Variants in CUL2 observed in about 807,000 individuals in gnomAD.
The protein encoded by CUL2 is cullin 2.
Under a neutral mutation model 110.2 loss-of-function variants are expected in CUL2, and 22 were observed. The observed-to-expected ratio is 0.20, with a 90% CI of 0.14 to 0.28. The LOEUF is 0.28. Among genes scored for constraint, CUL2 ranks in the 10% least tolerant of loss-of-function variants. CUL2 has a pLI of 1.00. For missense variants in CUL2, 631 were observed against 905.5 expected (o/e 0.70, Z 3.89); for synonymous variants, 279 against 293.2 (o/e 0.95, Z 0.49).
At chr10:35,095,196 T>C (rs2087277335), upstream of CUL2, among the ~76,000 whole-genome samples, 3 of 151,974 alleles carry the variant, frequency 2.0e-5, no homozygotes, top group South Asian at 6.3e-4. Context: ...TAGTGCTGCA[T>C]GCCTGAAATC....
chr10:35,105,242 C>A (rs1421418173), intron 1 of CUL2, among the ~76,000 whole-genome samples: 2 of 150,306 alleles, frequency 1.3e-5, no homozygotes, highest in Admixed American at 6.6e-5. Flanking sequence ...TGGTTAACAC[C>A]GTGAAACCCC....
intron 1 of CUL2, among the ~76,000 whole-genome samples, chr10:35,083,231 A>G (rs1367047414): frequency 1.3e-5 from 2 of 152,148 alleles, no homozygotes; most frequent in Non-Finnish European, 2.9e-5. Context: ...TAGCAGTTAT[A>G]AATAAAGGGG....
intron 1 of CUL2, among the ~76,000 whole-genome samples, chr10:35,084,795 G>A (rs2087020795): frequency 6.6e-6 from 1 of 152,066 alleles, no homozygotes; most frequent in East Asian, 1.9e-4. Flanking sequence ...TAAGATTCTA[G>A]GGCTGATCCT....
chr10:35,035,109 A>G (rs1316586114), intron 10 of CUL2, 63 bp downstream of exon 10: 3 of 1,581,290 alleles, frequency 1.9e-6, no homozygotes, highest in East Asian at 2.2e-5. Flanking sequence ...AATAAAGTCA[A>G]AGGAAAGGCT....
intron 1 of CUL2, among the ~76,000 whole-genome samples, chr10:35,103,689 AC>A (rs2087418143): frequency 6.6e-6 from 1 of 151,942 alleles, no homozygotes; most frequent in South Asian, 2.1e-4. Context: ...CGAACACCTG[AC>A]CTCAAGTGAT....
intron 1 of CUL2, among the ~76,000 whole-genome samples, chr10:35,117,698 G>T (rs11599606): frequency 1.8e-4 from 28 of 152,136 alleles, no homozygotes; most frequent in African/African-American, 6.5e-4. Context: ...TGTGAGTGGT[G>T]TATTACTGAA....
At chr10:35,097,865 A>G (rs2087320830) in intron 2 of CUL2, 1 of 152,152 alleles carries the variant, frequency 6.6e-6, no homozygotes, top group Non-Finnish European at 1.5e-5. Context: ...AGGCTGAGAC[A>G]TGAGAATCAC....
chr10:35,013,000 T>G (rs1199048803), intron 19 of CUL2, among the ~76,000 whole-genome samples: 3 of 152,108 alleles, frequency 2.0e-5, no homozygotes, highest in Non-Finnish European at 2.9e-5. Context: ...CTCATTTGCA[T>G]ATGAAAGTTT....
chr10:35,126,168 A>T (rs2087808447), intron 1 of CUL2, among the ~76,000 whole-genome samples: 1 of 151,284 alleles, frequency 6.6e-6, no homozygotes, highest in African/African-American at 2.4e-5. Flanking sequence ...TGTGTTCCCT[A>T]GGCTGGTCTC....
intron 8 of CUL2, among the ~76,000 whole-genome samples, chr10:35,044,000 A>G (rs1303360897): frequency 1.4e-5 from 2 of 143,436 alleles, no homozygotes; most frequent in Non-Finnish European, 3.0e-5. Context: ...CCTGGGAGCC[A>G]TGATCAAGCC....
At position 35,010,460 on chromosome 10, in the gene CUL2, A is replaced by C. The variant is rs749342795; in HGVS notation, c.2107-18T>G. On this transcript the variant is annotated intron_variant, in intron 20 of 20. Transcript: ENST00000374749. Reference sequence around the variant, plus strand: ...CTAATCACCTGTGGAAGAGATGTGGAAGTCAAACTACTGCCAGTTCTTCAG... The same window carrying C: ...CTAATCACCTGTGGAAGAGATGTGGCAGTCAAACTACTGCCAGTTCTTCAG... 3.8e-6 allele frequency: 6 copies of C among 1,588,982 alleles called. No homozygotes were observed. The highest frequency in any genetic ancestry group is 5.1e-6 in the Non-Finnish European group (6 of 1,166,614).
intron 1 of CUL2, among the ~76,000 whole-genome samples, chr10:35,083,180 G>GA (rs1564745990): frequency 6.7e-6 from 1 of 149,752 alleles, no homozygotes; most frequent in Non-Finnish European, 1.5e-5. Flanking sequence ...GAAAGAAAAA[G>GA]AAAAAAAGAA....
chr10:35,087,254 CACCATGTTGCCCAG>C (rs2135066999), intron 1 of CUL2, among the ~76,000 whole-genome samples: 2 of 152,258 alleles, frequency 1.3e-5, no homozygotes, highest in Non-Finnish European at 2.9e-5. Flanking sequence ...CATGGGGTCT[CACCATGTTGCCCAG>C]ACTAACATCT....
chr10:35,126,296 T>TG (rs2087818019), intron 1 of CUL2, among the ~76,000 whole-genome samples: 1 of 152,192 alleles, frequency 6.6e-6, no homozygotes, highest in South Asian at 2.1e-4. Context: ...CTGCAATAAA[T>TG]GACCCTAAGA....
chr10:35,041,017 T>C (rs1441301509), intron 8 of CUL2, among the ~76,000 whole-genome samples: 1 of 152,148 alleles, frequency 6.6e-6, no homozygotes, highest in African/African-American at 2.4e-5. Flanking sequence ...CCCCAGTTCC[T>C]AACAGGCCAC....
intron 1 of CUL2, among the ~76,000 whole-genome samples, chr10:35,119,822 G>A (rs2087656492): frequency 6.6e-6 from 1 of 151,766 alleles, no homozygotes; most frequent in Non-Finnish European, 1.5e-5. Context: ...ATCCCACTTC[G>A]GCCTCCTACC....
At position 35,031,204 on chromosome 10, in the gene CUL2, A is replaced by G; in HGVS notation, c.1386+96T>C. 1.3e-6 allele frequency: 1 copy of G among 755,872 alleles called. No homozygotes were observed. The allele number at this position is 755,872 out of a possible 1,614,324, so 46.8% of individuals were successfully genotyped here. ...CACAAATACACATTTAACCAGATGAATTGTTTCCTGTTACTGTACACAATG... is the reference window on the plus strand; with the variant it reads ...CACAAATACACATTTAACCAGATGAGTTGTTTCCTGTTACTGTACACAATG... On this transcript the variant is annotated intron_variant, in intron 14 of 20. Coordinates refer to ENST00000374749, the MANE Select transcript of CUL2 (RefSeq NM_003591.4). The surrounding 1 kb of genome is among the most constrained non-coding windows in gnomAD (Gnocchi z 4.4).
At chr10:35,112,820 G>A (rs756412362) in intron 1 of CUL2, among the ~76,000 whole-genome samples, 2 of 152,136 alleles carry the variant, frequency 1.3e-5, no homozygotes, top group Non-Finnish European at 2.9e-5. Context: ...ATTAAAGGCC[G>A]TTCTTTACTT....
At chr10:35,101,961 G>T (rs2087384952) in intron 1 of CUL2, among the ~76,000 whole-genome samples, 1 of 152,164 alleles carries the variant, frequency 6.6e-6, no homozygotes, top group African/African-American at 2.4e-5. Context: ...AATAAAATAA[G>T]AAACAGCCTC....
Sources: allele counts gnomAD v4.1 joint callset (sites outside exome capture counted in the v4.1 genomes callset), GRCh38; gene constraint gnomAD v4.1.1; non-coding constraint Gnocchi (gnomAD v3.1); transcripts MANE v1.5; gene names NCBI Gene and HGNC (gene_info 2026-07-23, HGNC 2026-07-21).